Variants in BARD1 observed in about 807,000 individuals in gnomAD.
The protein encoded by BARD1 is BRCA1 associated RING domain 1, also known as BRCA1-associated RING domain protein 1.
Under a neutral mutation model 77.0 loss-of-function variants are expected in BARD1, and 73 were observed. That is an observed-to-expected ratio of 0.95 (90% confidence interval 0.79 to 1.15). BARD1 has a LOEUF of 1.15. Among genes scored for constraint, BARD1 ranks in the 50% most tolerant of loss-of-function variants. BARD1 has a pLI of 0.00. For missense variants in BARD1, 993 were observed against 938.8 expected (o/e 1.06, Z -0.75); for synonymous variants, 384 against 338.0 (o/e 1.14, Z -1.49).
Position 214,745,068 on chromosome 2 carries a change from T to C in BARD1, c.1902A>G (p.Glu634=), listed in dbSNP as rs1559385976. ...AATTCTCTCAAATCCAACACTTACA[T>C]TCAAATTTTAGAATCCAGCATCCAT... is the stretch of plus-strand genomic sequence containing the variant. ...ILNGCWILKF[E]WVKACLRRKV... The change falls in exon 9 of 11, where the codon GAA becomes GAG. Residue 634 remains glutamate (E), a splice_region_variant and synonymous_variant. Transcript: ENST00000260947. 2 of 1,613,098 alleles carry C rather than the reference T, an allele frequency of 1.2e-6. No homozygotes were observed.
At position 214,728,281 on chromosome 2, in the gene BARD1, TAAAA is replaced by T. The variant is rs754881729; in HGVS notation, c.*391_*394del. The T allele has an allele frequency of 1.3e-3, 198 of 149,134 alleles. No individual in the cohort carries two copies. The highest frequency in any genetic ancestry group is 7.9e-3 in the Middle Eastern group (4 of 506). The allele number at this position is 149,134 out of a possible 1,614,324, so 9.2% of individuals were successfully genotyped here. On this transcript the variant is annotated 3_prime_UTR_variant, in exon 11 of 11. Transcript: ENST00000260947. ...AATTGTTTGATAATATTCTGTTTACTAAAAAAAAAAAAAAAAAAAAGGCAAGTTT... is the reference window on the plus strand; with the variant it reads ...AATTGTTTGATAATATTCTGTTTACTAAAAAAAAAAAAAAAAGGCAAGTTT...
At chr2:214,750,726 G>A (rs1332041521) in intron 7 of BARD1, among the ~76,000 whole-genome samples, 2 of 152,132 alleles carry the variant, frequency 1.3e-5, no homozygotes, top group African/African-American at 2.4e-5. Flanking sequence ...TCCACGGAAA[G>A]GCTTCAGGGA....
intron 7 of BARD1, among the ~76,000 whole-genome samples, chr2:214,751,139 ATATATATATATATTTTTTT>A (rs1693416507): frequency 1.0e-4 from 2 of 19,110 alleles, no homozygotes; most frequent in African/African-American, 2.3e-4. Flanking sequence ...ATATATATAT[ATATATATATATATTTTTTT>A]TTTTTTTTTT....
At chr2:214,809,113 G>C (rs1305519609) in intron 1 of BARD1, among the ~76,000 whole-genome samples, 1 of 152,138 alleles carries the variant, frequency 6.6e-6, no homozygotes. Context: ...CTGGAGGCGC[G>C]ACCGGGATGA....
Position 214,728,968 on chromosome 2 carries a change from C to G in BARD1, c.2042G>C (p.Gly681Ala), listed in dbSNP as rs1327571102. The G allele has an allele frequency of 6.2e-7, 1 of 1,613,988 alleles. No individual in the cohort carries two copies. Among genetic ancestry groups the G allele is most frequent in the Non-Finnish European group, 8.5e-7 (1 of 1,180,020 alleles). The change falls in exon 11 of 11, where the codon GGA becomes GCA. Residue 681 changes from glycine (G) to alanine (A), a missense_variant. Transcript: ENST00000260947. The part of the protein sequence containing the change: ...LFDGCYFYLW[G>A]TFKHHPKDNL... ...GTCCTTTGGATGGTGTTTGAAGGTTCCCCACAAATAGAAGTAGCATCCATC... is the reference window on the plus strand; with the variant it reads ...GTCCTTTGGATGGTGTTTGAAGGTTGCCCACAAATAGAAGTAGCATCCATC...
rs908683036 is a variant in BARD1, at chr2:214,777,275, T to C, written c.1314+3285A>G. ...GTAGCTGCCAGTAGGGTGGTAGCTA[T>C]GGAAAGGTTATGGCCAATGATGATG... On this transcript the variant is annotated intron_variant, in intron 4 of 10. Transcript: ENST00000260947. Among the ~76,000 whole-genome samples the C allele has an allele frequency of 3.3e-5, 5 of 152,114 alleles. No homozygotes were observed. The East Asian group carries it at 5.8e-4, about 18-fold the overall frequency.
chr2:214,742,734 T>C (rs6435853), intron 9 of BARD1, among the ~76,000 whole-genome samples: 74,216 of 151,596 alleles, frequency 0.49, 18,295 homozygotes, highest in East Asian at 0.56. Flanking sequence ...ATAAATCATG[T>C]AGCCTGTATA....
rs780580712 is a variant in BARD1 at position 214,780,692 on chromosome 2, T to C, written c.1182A>G (p.Thr394=). 4 of 1,614,008 alleles carry C rather than the reference T, an allele frequency of 2.5e-6. No homozygotes were observed. Among genetic ancestry groups the C allele is most frequent in the African/African-American group, 1.3e-5 (1 of 74,926 alleles). ...SDEFISLSPG[T]PPSTLSSSSY... is the part of the protein sequence containing the mutation. The stretch of plus-strand genomic sequence containing the variant: ...TTGAACTACTTAATGTAGAAGGTGG[T>C]GTACCTGGTGAAAGACTAATGAATT... The change falls in exon 4 of 11, where the codon ACA becomes ACG. Residue 394 remains threonine, a synonymous_variant. Transcript: ENST00000260947.
intron 8 of BARD1, among the ~76,000 whole-genome samples, chr2:214,745,442 C>T (rs192687975): frequency 1.4e-4 from 22 of 152,276 alleles, no homozygotes; most frequent in Middle Eastern, 3.4e-3. Context: ...TTACACTGCA[C>T]AACAATTTAT....
At chr2:214,803,389 C>T (rs531977244) in intron 1 of BARD1, among the ~76,000 whole-genome samples, 6 of 152,162 alleles carry the variant, frequency 3.9e-5, no homozygotes, top group African/African-American at 4.8e-5. Context: ...GTCTCCTGCC[C>T]GTCCCTGGGC....
intron 4 of BARD1, among the ~76,000 whole-genome samples, chr2:214,771,250 T>C (rs774025755): frequency 3.3e-5 from 5 of 152,144 alleles, no homozygotes; most frequent in Non-Finnish European, 7.4e-5. Flanking sequence ...TAAAAAGCTA[T>C]AGACAGAAGT....
chr2:214,781,039 A>T lies in BARD1; in HGVS notation c.835T>A (p.Ser279Thr). ...TCTATTTGCTCAGCCAATGGTAAAG[A>T]GACTTCAGTTAAACTTCCAAAACAT... Reference protein sequence around the residue: ...SECFGSLTEVSLPLAEQIESP... With the variant: ...SECFGSLTEVTLPLAEQIESP... The change falls in exon 4 of 11, where the codon TCT becomes ACT. Residue 279 changes from serine (S) to threonine (T), a missense_variant. Physicochemically the swap from Ser to Thr is moderately conservative, Grantham distance 58 (BLOSUM62 1). Coordinates refer to ENST00000260947, the MANE Select transcript of BARD1 (RefSeq NM_000465.4). The T allele has an allele frequency of 1.2e-6, 2 of 1,609,658 alleles. No homozygotes were observed. The highest frequency in any genetic ancestry group is 1.7e-6 in the Non-Finnish European group (2 of 1,178,384).
At chr2:214,800,184 C>T (rs1447813815) in intron 1 of BARD1, among the ~76,000 whole-genome samples, 3 of 152,184 alleles carry the variant, frequency 2.0e-5, no homozygotes, top group Admixed American at 6.5e-5. Flanking sequence ...CAATAAGGTG[C>T]TATCACATAT....
intron 6 of BARD1, among the ~76,000 whole-genome samples, chr2:214,760,482 T>C (rs1048461138): frequency 6.6e-6 from 1 of 152,138 alleles, no homozygotes; most frequent in South Asian, 2.1e-4. Context: ...CATGAGGCAC[T>C]GCGCCAGGCC....
intron 4 of BARD1, among the ~76,000 whole-genome samples, chr2:214,772,551 A>G (rs1694553387): frequency 6.6e-6 from 1 of 152,200 alleles, no homozygotes; most frequent in Non-Finnish European, 1.5e-5. Flanking sequence ...TGACAATTTA[A>G]AGAATACAAG....
intron 6 of BARD1, among the ~76,000 whole-genome samples, chr2:214,760,784 T>TC (rs1035755870): frequency 1.3e-5 from 2 of 149,558 alleles, no homozygotes; most frequent in East Asian, 2.0e-4. Context: ...TTTTTCTTTT[T>TC]TTTTTTTTTA....
At chr2:214,763,826 T>G (rs1694071271) in intron 6 of BARD1, among the ~76,000 whole-genome samples, 1 of 152,158 alleles carries the variant, frequency 6.6e-6, no homozygotes, top group Admixed American at 6.5e-5. Context: ...AAGAATCCCA[T>G]AGTCTCCATG....
chr2:214,743,043 T>TA (rs1381944469), intron 9 of BARD1, among the ~76,000 whole-genome samples: 3 of 152,220 alleles, frequency 2.0e-5, no homozygotes, highest in Non-Finnish European at 4.4e-5. Context: ...TCCAATTACT[T>TA]ATACTTCTCA....
At position 214,731,962 on chromosome 2, in the gene BARD1, C is replaced by T. The variant is rs537569697; in HGVS notation, c.1904-1454G>A. Among the ~76,000 whole-genome samples the T allele has an allele frequency of 2.0e-5, 3 of 152,280 alleles. No homozygotes were observed. In the South Asian group the frequency reaches 6.2e-4, roughly 32 times the overall value. ...AATAAAAATAAGTAATTATATAGCA[C>T]CTGTAAGAGTTCAGAGTTACACATA... On this transcript the variant is annotated intron_variant, in intron 9 of 10. Transcript: ENST00000260947.
Sources: allele counts gnomAD v4.1 joint callset (sites outside exome capture counted in the v4.1 genomes callset), GRCh38; gene constraint gnomAD v4.1.1; transcripts MANE v1.5; gene names NCBI Gene and HGNC (gene_info 2026-07-23, HGNC 2026-07-21).